Variants in HLCS observed in about 807,000 individuals in gnomAD.
The protein encoded by HLCS is holocarboxylase synthetase.
A neutral mutation model predicts 75.0 loss-of-function variants in HLCS; 53 were observed. The ratio of observed to expected loss-of-function variants is 0.71; its 90% CI spans 0.57 to 0.89. HLCS has a LOEUF of 0.89. Among genes scored for constraint, HLCS ranks in the 40% least tolerant of loss-of-function variants. HLCS has a pLI of 0.00. For synonymous variants in HLCS, 431 were observed against 428.6 expected (o/e 1.01, Z -0.07); for missense variants, 966 against 1,074.0 (o/e 0.90, Z 1.41).
At chr21:36,879,155 AT>A (rs780043918) in intron 6 of HLCS, among the ~76,000 whole-genome samples, 152,311 of 152,314 alleles carry the variant, frequency 1, 76,155 homozygotes, top group Middle Eastern at 1. Context: ...ATAATTATGA[AT>A]ATTCATGAAG....
intron 6 of HLCS, among the ~76,000 whole-genome samples, chr21:36,802,148 G>C (rs1286943997): frequency 6.6e-6 from 1 of 152,146 alleles, no homozygotes; most frequent in Non-Finnish European, 1.5e-5. Flanking sequence ...CAAGTCCAGG[G>C]CTAGTCAGGC....
chr21:36,824,458 G>T (rs960262434), intron 6 of HLCS, among the ~76,000 whole-genome samples: 4 of 152,104 alleles, frequency 2.6e-5, no homozygotes, highest in African/African-American at 9.7e-5. Flanking sequence ...AAAAGGGGAG[G>T]GAGAGCATCA....
At chr21:36,827,205 A>C (rs2062034687) in intron 6 of HLCS, among the ~76,000 whole-genome samples, 1 of 152,128 alleles carries the variant, frequency 6.6e-6, no homozygotes, top group Non-Finnish European at 1.5e-5. Context: ...AGGAGTGTAA[A>C]GTTAAAGAAA....
chr21:36,818,749 T>G (rs925035785), intron 6 of HLCS, among the ~76,000 whole-genome samples: 1 of 152,182 alleles, frequency 6.6e-6, no homozygotes, highest in Non-Finnish European at 1.5e-5. Context: ...TTTTCTCTCA[T>G]TGTATTTTGC....
At chr21:36,915,043 C>G (rs537945989) in intron 5 of HLCS, among the ~76,000 whole-genome samples, 1 of 152,228 alleles carries the variant, frequency 6.6e-6, no homozygotes, top group Non-Finnish European at 1.5e-5. Flanking sequence ...ACCATTCACA[C>G]GTTCCCTTCC....
chr21:36,911,962 T>C (rs2146403637), intron 5 of HLCS, among the ~76,000 whole-genome samples: 1 of 151,218 alleles, frequency 6.6e-6, no homozygotes, highest in East Asian at 2.0e-4. Context: ...TCTCAGCTAC[T>C]TGGGAGGCGG....
chr21:36,969,284 G>A (rs1278029121), upstream of HLCS, among the ~76,000 whole-genome samples: 3 of 152,084 alleles, frequency 2.0e-5, no homozygotes, highest in African/African-American at 7.2e-5. Flanking sequence ...ATACACCAAG[G>A]GATATTAATG....
chr21:36,935,240 C>T (rs565292400), intron 4 of HLCS, among the ~76,000 whole-genome samples: 3 of 152,178 alleles, frequency 2.0e-5, no homozygotes, highest in Non-Finnish European at 4.4e-5. Flanking sequence ...ATTTATTACG[C>T]CTCCAAAAGC....
intron 5 of HLCS, among the ~76,000 whole-genome samples, chr21:36,907,054 G>A (rs558189340): frequency 6.6e-6 from 1 of 152,102 alleles, no homozygotes; most frequent in Non-Finnish European, 1.5e-5. Context: ...TTTGACAACA[G>A]TGCCCAAGAT....
At position 36,930,289 on chromosome 21, in the gene HLCS, G is replaced by T; in HGVS notation, c.1582C>A (p.Pro528Thr). The T allele has an allele frequency of 6.2e-7, 1 of 1,614,182 alleles. No homozygotes were observed. The highest frequency in any genetic ancestry group is 8.5e-7 in the Non-Finnish European group (1 of 1,180,032). Residue 528 changes from proline to threonine, a missense_variant, in exon 5 of 11, where the codon CCT becomes ACT. By Grantham distance (38) the Pro-to-Thr change is conservative. Coordinates refer to ENST00000674895, the MANE Select transcript of HLCS (RefSeq NM_001352514.2). ...LGLSCDMKQV[P>T]ALTPLYLLSA... is the part of the protein sequence containing the mutation. ...AGCAAGTAAAGAGGAGTTAAGGCAG[G>T]AACTTGTTTCATGTCACAGCTGAGG... is the stretch of plus-strand genomic sequence containing the variant.
At chr21:36,896,279 G>T (rs980429676) in intron 6 of HLCS, among the ~76,000 whole-genome samples, 2 of 152,236 alleles carry the variant, frequency 1.3e-5, no homozygotes, top group East Asian at 3.8e-4. Context: ...GAGCTCAGAA[G>T]GTCGAGGCTG....
intron 2 of HLCS, among the ~76,000 whole-genome samples, chr21:36,942,212 A>G (rs769311206): frequency 2.0e-5 from 3 of 151,978 alleles, no homozygotes; most frequent in Non-Finnish European, 4.4e-5. Context: ...TCAGATTTGC[A>G]TTAAATTGAT....
At chr21:36,904,091 A>G (rs796578287) in intron 5 of HLCS, among the ~76,000 whole-genome samples, 10 of 152,348 alleles carry the variant, frequency 6.6e-5, no homozygotes, top group African/African-American at 2.2e-4. Flanking sequence ...ATAAACGTCT[A>G]TTCTTTCTAA....
At chr21:36,958,043 T>C (rs1020977555) in intron 2 of HLCS, among the ~76,000 whole-genome samples, 3 of 151,124 alleles carry the variant, frequency 2.0e-5, no homozygotes, top group Admixed American at 6.6e-5. Context: ...CTGGCTAACA[T>C]GGTGAAACAC....
chr21:36,877,325 A>C (rs748460093), intron 6 of HLCS, among the ~76,000 whole-genome samples: 1 of 151,638 alleles, frequency 6.6e-6, no homozygotes, highest in East Asian at 1.9e-4. Context: ...GTGTGTTTCT[A>C]GTCCTCTTTT....
At chr21:36,768,938 C>T (rs986970681) in intron 6 of HLCS, among the ~76,000 whole-genome samples, 12 of 152,066 alleles carry the variant, frequency 7.9e-5, no homozygotes, top group Admixed American at 7.9e-4. Flanking sequence ...CTTCCTAAGG[C>T]CCAGGGCTCT....
intron 6 of HLCS, among the ~76,000 whole-genome samples, chr21:36,890,138 G>A (rs2064714090): frequency 1.3e-5 from 2 of 152,162 alleles, no homozygotes; most frequent in Admixed American, 6.5e-5. Flanking sequence ...CTTCCGCCAC[G>A]ATTGTAAGTC....
chr21:36,789,946 G>A (rs1359765514), intron 6 of HLCS, among the ~76,000 whole-genome samples: 1 of 152,150 alleles, frequency 6.6e-6, no homozygotes, highest in Admixed American at 6.5e-5. Context: ...TAGATTACTA[G>A]AAGTGGTATC....
intron 2 of HLCS, among the ~76,000 whole-genome samples, chr21:36,945,365 G>A (rs1180422082): frequency 6.6e-6 from 1 of 152,018 alleles, no homozygotes; most frequent in East Asian, 1.9e-4. Flanking sequence ...GATGTTCACA[G>A]CAGCATTATT....
Sources: allele counts gnomAD v4.1 joint callset (sites outside exome capture counted in the v4.1 genomes callset), GRCh38; gene constraint gnomAD v4.1.1; transcripts MANE v1.5; gene names NCBI Gene and HGNC (gene_info 2026-07-23, HGNC 2026-07-21).